Variants in HERC1 observed in about 807,000 individuals in gnomAD.
The protein encoded by HERC1 is HECT and RLD domain containing E3 ubiquitin protein ligase family member 1.
Under a neutral mutation model 554.3 loss-of-function variants are expected in HERC1, and 160 were observed. The observed-to-expected ratio is 0.29, with a 90% CI of 0.25 to 0.33. The LOEUF (loss-of-function observed/expected upper bound fraction) is 0.33. HERC1 is among the 10% of genes least tolerant of loss of function. The pLI, the probability that HERC1 is intolerant of heterozygous loss-of-function variation, is 1.00. For synonymous variants in HERC1, 2,175 were observed against 2,131.7 expected, an observed-to-expected ratio of 1.02 and a Z score of -0.56; for missense variants, 4,919 against 5,918.5, an observed-to-expected ratio of 0.83 and a Z score of 5.54.
chr15:63,804,829 T>C (rs572643037), intron 1 of HERC1, among the ~76,000 whole-genome samples: 1 of 152,276 alleles, frequency 6.6e-6, no homozygotes, highest in East Asian at 1.9e-4. Context: ...AAAAAGCGCA[T>C]GAAAGGATGT....
At chr15:63,651,728 A>G (rs1344318219) in intron 52 of HERC1, among the ~76,000 whole-genome samples, 3 of 152,190 alleles carry the variant, frequency 2.0e-5, no homozygotes, top group Non-Finnish European at 4.4e-5. Context: ...AGAAATAGCT[A>G]CAGCTGGCTA....
At chr15:63,631,379 C>A (rs2068548956) in intron 68 of HERC1, among the ~76,000 whole-genome samples, 1 of 152,174 alleles carries the variant, frequency 6.6e-6, no homozygotes, top group African/African-American at 2.4e-5. Context: ...TAATTGCCTA[C>A]TGCAGTGGCT....
In HERC1 at chr15:63,718,290, A is replaced by C. The variant is rs776444338; in HGVS notation, c.3978+284T>G. 3.8e-5 allele frequency: 11 copies of C among 289,458 alleles called. No individual in the cohort carries two copies. Among genetic ancestry groups the C allele is most frequent in the Non-Finnish European group, 5.8e-5 (9 of 154,128 alleles). 17.9% of individuals were successfully genotyped at this position (289,458 alleles called of 1,614,324 possible). ...ATAATTCAAATGTGGCCCAATCAGCACAAAGAGAGGAATAATCATTCATAT... is the reference window on the plus strand; with the variant it reads ...ATAATTCAAATGTGGCCCAATCAGCCCAAAGAGAGGAATAATCATTCATAT... On this transcript the variant is annotated intron_variant, in intron 21 of 77. Transcript: ENST00000443617. This position sits in a 1 kb window ranked among gnomAD's most constrained non-coding sequence, Gnocchi z 4.2.
chr15:63,639,599 T>C (rs973447259), intron 61 of HERC1, among the ~76,000 whole-genome samples: 2 of 152,244 alleles, frequency 1.3e-5, no homozygotes, highest in African/African-American at 2.4e-5. Context: ...TCCAAATGTT[T>C]GTATACATAA....
intron 44 of HERC1, 120 bp from the exon 45 acceptor site, chr15:63,662,141 C>T (rs1039314364): frequency 3.7e-6 from 4 of 1,067,112 alleles, no homozygotes; most frequent in East Asian, 2.6e-5. Context: ...CCAACATGTT[C>T]ATTAATGCTA....
intron 64 of HERC1, 116 bp downstream of exon 64, chr15:63,637,389 A>C (rs957499010): frequency 3.4e-5 from 28 of 835,234 alleles, no homozygotes; most frequent in Non-Finnish European, 4.6e-5. Context: ...TTTAAATGTA[A>C]GTGAAAACCT....
In HERC1 at chr15:63,674,758, G is replaced by A; in HGVS notation, c.7430C>T (p.Ser2477Phe). ...SLDPTLPSVE[S>F]QHQITEGKRK... ...TTTCCCTTCTGTTATTTGATGTTGGGATTCCACACTTGGCAGTGTTGGATC... is the reference window on the plus strand; with the variant it reads ...TTTCCCTTCTGTTATTTGATGTTGGAATTCCACACTTGGCAGTGTTGGATC... The change falls in exon 38 of 78, where the codon TCC (serine) becomes TTC (phenylalanine). Residue 2477 changes from serine to phenylalanine, a missense_variant. By Grantham distance (155) the Ser-to-Phe change is radical (BLOSUM62 -2). Coordinates refer to ENST00000443617, the MANE Select transcript of HERC1 (RefSeq NM_003922.4). 2 of 1,613,912 alleles carry A rather than the reference G, an allele frequency of 1.2e-6. No homozygotes were observed. Among genetic ancestry groups the A allele is most frequent in the Non-Finnish European group, 1.7e-6 (2 of 1,179,860 alleles).
At chr15:63,709,997 G>A (rs1353345124) in intron 24 of HERC1, among the ~76,000 whole-genome samples, 5 of 152,224 alleles carry the variant, frequency 3.3e-5, no homozygotes, top group Admixed American at 2.0e-4. Context: ...GAACTTTTAA[G>A]GCAAATAGTG....
At chr15:63,764,245 T>G in intron 2 of HERC1, 54 bp from the exon 3 acceptor site, 2 of 1,152,446 alleles carry the variant, frequency 1.7e-6, no homozygotes, top group Non-Finnish European at 2.5e-6. Context: ...ACATATGCAT[T>G]AAAATTAGTT....
chr15:63,767,815 C>T lies in HERC1; in HGVS notation c.931-3624G>A, dbSNP rs1203879740. On this transcript the variant is annotated intron_variant, in intron 2 of 77. Transcript: ENST00000443617. ...ATGGCAGAACTTTTTTGTCATCTAACAAGTTCTCCCTCTGCCTTCAAAAGC... is the reference window on the plus strand; with the variant it reads ...ATGGCAGAACTTTTTTGTCATCTAATAAGTTCTCCCTCTGCCTTCAAAAGC... Among the ~76,000 whole-genome samples the T allele has an allele frequency of 3.3e-5, 5 of 152,202 alleles. 1 individual carries two copies. The highest frequency in any genetic ancestry group is 2.6e-4 in the Admixed American group (4 of 15,274).
At chr15:63,796,805 G>A (rs921158833) in intron 1 of HERC1, among the ~76,000 whole-genome samples, 1 of 152,214 alleles carries the variant, frequency 6.6e-6, no homozygotes, top group Non-Finnish European at 1.5e-5. Flanking sequence ...AGAAAGAAAT[G>A]TCTGTGTTAC....
Position 63,775,330 on chromosome 15 carries a change from T to C in HERC1, c.294A>G (p.Pro98=). 1.2e-6 allele frequency: 2 copies of C among 1,613,930 alleles called. No homozygotes were observed. Among genetic ancestry groups the C allele is most frequent in the South Asian group, 1.1e-5 (1 of 91,088 alleles). ...GTCGTTTTCTAAGTGCCCCGGCAAA[T>C]GGGGAATCTGAACATACCATCTTTG... ...ALAKMVCSDS[P]FAGALRKRLL... Residue 98 remains proline, a synonymous_variant, in exon 2 of 78, where the codon CCA becomes CCG. Coordinates refer to ENST00000443617, the MANE Select transcript of HERC1 (RefSeq NM_003922.4). This position sits in a 1 kb window ranked among gnomAD's most constrained non-coding sequence, Gnocchi z 4.0.
At chr15:63,825,893 G>A (rs1338176261) in intron 1 of HERC1, among the ~76,000 whole-genome samples, 1 of 151,846 alleles carries the variant, frequency 6.6e-6, no homozygotes, top group Non-Finnish European at 1.5e-5. Flanking sequence ...CTCCCGAGTA[G>A]CTGGGATTAC....
intron 6 of HERC1, among the ~76,000 whole-genome samples, chr15:63,754,922 G>A (rs1217777782): frequency 6.6e-6 from 1 of 152,020 alleles, no homozygotes; most frequent in Non-Finnish European, 1.5e-5. Context: ...TCATGCTCAT[G>A]TTGACTTGTT....
At position 63,723,368 on chromosome 15, in the gene HERC1, C is replaced by T; in HGVS notation, c.3569-13G>A. The T allele has an allele frequency of 6.6e-7, 1 of 1,507,054 alleles. No individual in the cohort carries two copies. Among genetic ancestry groups the T allele is most frequent in the Non-Finnish European group, 8.9e-7 (1 of 1,118,068 alleles). 93.4% of individuals were successfully genotyped at this position (1,507,054 alleles called of 1,614,324 possible). A position where few individuals can be genotyped will look rare whatever the true frequency, so the allele number is the denominator to read the frequency against. On this transcript the variant is annotated splice_polypyrimidine_tract_variant and intron_variant, in intron 18 of 77. Transcript: ENST00000443617. ...CTCATACATTTATCTAAAAAAAATACTCACGTTACCAATTTTAACATCATA... is the reference window on the plus strand; with the variant it reads ...CTCATACATTTATCTAAAAAAAATATTCACGTTACCAATTTTAACATCATA...
At chr15:63,732,873 G>A in intron 14 of HERC1, 51 bp downstream of exon 14, 1 of 1,198,406 alleles carries the variant, frequency 8.3e-7, no homozygotes, top group South Asian at 1.3e-5. Context: ...CTTGACTAAA[G>A]AGATCCCTAC....
chr15:63,827,632 C>T (rs1379039409), intron 1 of HERC1, among the ~76,000 whole-genome samples: 2 of 152,104 alleles, frequency 1.3e-5, no homozygotes, highest in East Asian at 1.9e-4. Context: ...AGCAATTCCA[C>T]TCCTAGGTAT....
chr15:63,775,780 G>A lies in HERC1; in HGVS notation c.-26-131C>T. Reference sequence around the variant, plus strand: ...CAGCCGGGTGCGGTGGCTCACGCCTGTAATCCCAACACTTTGGGAGGCCAA... The same window carrying A: ...CAGCCGGGTGCGGTGGCTCACGCCTATAATCCCAACACTTTGGGAGGCCAA... On this transcript the variant is annotated intron_variant, in intron 1 of 77. Coordinates refer to ENST00000443617, the MANE Select transcript of HERC1 (RefSeq NM_003922.4). This position sits in a 1 kb window ranked among gnomAD's most constrained non-coding sequence, Gnocchi z 4.0. The A allele has an allele frequency of 1.5e-6, 1 of 653,562 alleles. No individual in the cohort carries two copies. Among genetic ancestry groups the A allele is most frequent in the Non-Finnish European group, 2.5e-6 (1 of 394,886 alleles). The allele number at this position is 653,562 out of a possible 1,614,324, so 40.5% of individuals were successfully genotyped here. A position where few individuals can be genotyped will look rare whatever the true frequency, so the allele number is the denominator to read the frequency against.
At position 63,755,316 on chromosome 15, in the gene HERC1, A is replaced by C. The variant is rs746746372; in HGVS notation, c.1543T>G (p.Cys515Gly). 2.2e-5 allele frequency: 36 copies of C among 1,612,994 alleles called. No homozygotes were observed. In the South Asian group the frequency reaches 4.0e-4, roughly 18 times the overall value. Residue 515 changes from cysteine to glycine, a missense_variant, in exon 6 of 78, where the codon TGT becomes GGT. By Grantham distance (159) the Cys-to-Gly change is radical (BLOSUM62 -3). Coordinates refer to ENST00000443617, the MANE Select transcript of HERC1 (RefSeq NM_003922.4). ...QGPLQGKVVV[C>G]VSAGYRHSAA... ...CTATGTCTGTATCCAGCTGACACAC[A>C]AACAACTACCTGCATTGCACACAAG...
Sources: allele counts gnomAD v4.1 joint callset (sites outside exome capture counted in the v4.1 genomes callset), GRCh38; gene constraint gnomAD v4.1.1; non-coding constraint Gnocchi (gnomAD v3.1); transcripts MANE v1.5; gene names NCBI Gene and HGNC (gene_info 2026-07-23, HGNC 2026-07-21).